The following DNAAF9 variants were observed in gnomAD, a reference collection of about 807,000 sequenced individuals.
The protein encoded by DNAAF9 is dynein axonemal assembly factor 9, also known as shulin.
Under a neutral mutation model 167.0 loss-of-function variants are expected in DNAAF9, and 90 were observed. The observed-to-expected ratio is 0.54, with a 90% CI of 0.45 to 0.64. The LOEUF (loss-of-function observed/expected upper bound fraction) is 0.64, where lower values mean the gene tolerates loss of function less well. DNAAF9 is among the 30% of genes least tolerant of loss of function. The pLI, the probability that DNAAF9 is intolerant of heterozygous loss-of-function variation, is 0.00. For synonymous variants in DNAAF9, 491 were observed against 508.8 expected (o/e 0.96, Z 0.47); for missense variants, 1,315 against 1,442.2 (o/e 0.91, Z 1.43).
At chr20:3,395,287 CTTTTTTT>C (rs771147934) in intron 1 of DNAAF9, among the ~76,000 whole-genome samples, 3 of 139,790 alleles carry the variant, frequency 2.1e-5, no homozygotes, top group East Asian at 2.1e-4. Flanking sequence ...TTTCTTTTTT[CTTTTTTT>C]TTTTCTGAGA....
intron 10 of DNAAF9, among the ~76,000 whole-genome samples, chr20:3,332,875 C>T (rs1469460962): frequency 6.8e-6 from 1 of 147,148 alleles, no homozygotes; most frequent in African/African-American, 2.5e-5. Flanking sequence ...TGCGTGCGTG[C>T]ATGCGTGTGT....
In DNAAF9 at chr20:3,294,277, C is replaced by T. The variant is rs1425507541; in HGVS notation, c.2121-21G>A. On this transcript the variant is annotated intron_variant, in intron 24 of 36. Coordinates refer to ENST00000252032, the MANE Select transcript of DNAAF9 (RefSeq NM_001009984.3). ...GAAACCTAAAAACACAAAGACAATG[C>T]TATTATGTTACCATCCTAGCCTGTC... 8 of 1,499,904 alleles carry T rather than the reference C, an allele frequency of 5.3e-6. No homozygotes were observed. The South Asian group carries it at 7.9e-5, about 15-fold the overall frequency. 92.9% of individuals were successfully genotyped at this position (1,499,904 alleles called of 1,614,324 possible).
intron 1 of DNAAF9, among the ~76,000 whole-genome samples, chr20:3,399,485 G>A (rs563632292): frequency 1.3e-5 from 2 of 152,146 alleles, no homozygotes; most frequent in Non-Finnish European, 2.9e-5. Context: ...TGGGATTACA[G>A]GCATGAGCCA....
chr20:3,339,920 T>C (rs768978471), intron 10 of DNAAF9, among the ~76,000 whole-genome samples: 8 of 152,172 alleles, frequency 5.3e-5, no homozygotes, highest in Non-Finnish European at 1.2e-4. Context: ...AAAAAACTAG[T>C]ACCTACTAAC....
intron 9 of DNAAF9, among the ~76,000 whole-genome samples, chr20:3,343,042 T>C (rs2070118601): frequency 8.4e-6 from 1 of 119,344 alleles, no homozygotes; most frequent in Non-Finnish European, 1.8e-5. Flanking sequence ...TTTCTATTGC[T>C]GTGCAGAAGC....
At chr20:3,332,740 A>C (rs1407438508) in intron 10 of DNAAF9, among the ~76,000 whole-genome samples, 1 of 152,128 alleles carries the variant, frequency 6.6e-6, no homozygotes, top group Non-Finnish European at 1.5e-5. Flanking sequence ...CTGAGATTAC[A>C]GGTGTGCACC....
chr20:3,304,373 T>C (rs556597431), intron 21 of DNAAF9, 67 bp downstream of exon 21: 15 of 787,438 alleles, frequency 1.9e-5, no homozygotes, highest in East Asian at 7.3e-5. Context: ...AGGAGTTATT[T>C]AGTTTTCCCC....
At chr20:3,261,001 C>T (rs2068375940) in intron 31 of DNAAF9, among the ~76,000 whole-genome samples, 1 of 152,134 alleles carries the variant, frequency 6.6e-6, no homozygotes, top group African/African-American at 2.4e-5. Flanking sequence ...ACAGGTTGTA[C>T]ATATAGATGT....
rs1457692420 is a variant in DNAAF9, at chr20:3,376,300, C to T, written c.286G>A (p.Val96Ile). ...TGFSEEVLDDVIILIKSDSVH... is the reference protein window; with the variant it reads ...TGFSEEVLDDIIILIKSDSVH... ...CTATCCGATTTAATCAATATAATTA[C>T]ATCTGTAAGAAAAACAAAATCAAAA... Residue 96 changes from valine (V) to isoleucine (I), a missense_variant and splice_region_variant, in exon 4 of 37, where the codon GTA (valine) becomes ATA (isoleucine). By Grantham distance (29) the Val-to-Ile change is conservative. Around this residue, in one of 2 missense-constraint regions of DNAAF9, gnomAD observed 981 missense variants for 1,012.5 expected, o/e 0.97. Transcript: ENST00000252032. The T allele has an allele frequency of 1.3e-6, 2 of 1,597,424 alleles. No individual in the cohort carries two copies. The highest frequency in any genetic ancestry group is 2.3e-5 in the South Asian group (2 of 87,362).
In DNAAF9 at chr20:3,250,041, A is replaced by C. The variant is rs916592413; in HGVS notation, c.*2531T>G. ...ACTTCAGCGACTTCAACATTATCCCACGCACTCTGGGTGATATAAACTGAA... is the reference window on the plus strand; with the variant it reads ...ACTTCAGCGACTTCAACATTATCCCCCGCACTCTGGGTGATATAAACTGAA... On this transcript the variant is annotated 3_prime_UTR_variant, in exon 37 of 37. Coordinates refer to ENST00000252032, the MANE Select transcript of DNAAF9 (RefSeq NM_001009984.3). 1.3e-5 allele frequency: 2 copies of C among 152,196 alleles called. No homozygotes were observed. Among genetic ancestry groups the C allele is most frequent in the African/African-American group, 4.8e-5 (2 of 41,442 alleles). The allele number at this position is 152,196 out of a possible 1,614,324, so 9.4% of individuals were successfully genotyped here.
chr20:3,402,873 G>A (rs2084006903), intron 1 of DNAAF9, among the ~76,000 whole-genome samples: 1 of 152,196 alleles, frequency 6.6e-6, no homozygotes, highest in Non-Finnish European at 1.5e-5. Flanking sequence ...CCGCATATAA[G>A]TGAGATCATG....
intron 9 of DNAAF9, among the ~76,000 whole-genome samples, chr20:3,341,128 C>T (rs1419657965): frequency 6.6e-6 from 1 of 151,932 alleles, no homozygotes; most frequent in African/African-American, 2.4e-5. Context: ...GGCTCTGTAC[C>T]CACCCCCTTC....
At chr20:3,253,498 C>T (rs1600645444) in intron 36 of DNAAF9, among the ~76,000 whole-genome samples, 1 of 152,134 alleles carries the variant, frequency 6.6e-6, no homozygotes, top group East Asian at 1.9e-4. Context: ...GTCACATTAG[C>T]AATCACTCAA....
chr20:3,272,252 A>T (rs1257202102), intron 29 of DNAAF9, among the ~76,000 whole-genome samples: 1 of 152,180 alleles, frequency 6.6e-6, no homozygotes, highest in East Asian at 1.9e-4. Flanking sequence ...TGAATCAGGA[A>T]CCAAAGGAAG....
intron 35 of DNAAF9, among the ~76,000 whole-genome samples, chr20:3,254,495 C>A (rs951704757): frequency 1.3e-5 from 2 of 152,154 alleles, no homozygotes; most frequent in Non-Finnish European, 2.9e-5. Flanking sequence ...TCCTTGTTCA[C>A]GGTTGGCTTT....
rs201827886 is a variant in DNAAF9 at position 3,315,804 on chromosome 20, C to T, written c.1540-19G>A. On this transcript the variant is annotated intron_variant, in intron 18 of 36. Coordinates refer to ENST00000252032, the MANE Select transcript of DNAAF9 (RefSeq NM_001009984.3). The surrounding 1 kb of genome is among the most constrained non-coding windows in gnomAD (Gnocchi z 4.1). The stretch of plus-strand genomic sequence containing the variant: ...CTTCCACCTGTGTCCAAAAGGAATG[C>T]AGATTTTCAGTCAACTACTTCAAGG... 6.2e-7 allele frequency: 1 copy of T among 1,604,536 alleles called. No individual in the cohort carries two copies. Among genetic ancestry groups the T allele is most frequent in the Non-Finnish European group, 8.5e-7 (1 of 1,171,318 alleles).
At chr20:3,322,970 A>C (rs2069643072) in intron 14 of DNAAF9, among the ~76,000 whole-genome samples, 1 of 151,990 alleles carries the variant, frequency 6.6e-6, no homozygotes, top group South Asian at 2.1e-4. Context: ...ATGACATGAG[A>C]GGACTGCTGC....
intron 16 of DNAAF9, among the ~76,000 whole-genome samples, chr20:3,320,937 A>G (rs2069604110): frequency 6.6e-6 from 1 of 152,148 alleles, no homozygotes; most frequent in African/African-American, 2.4e-5. Flanking sequence ...TCTTGGCTAG[A>G]TATGTACTAC....
At chr20:3,393,942 C>T (rs1028863979) in intron 1 of DNAAF9, among the ~76,000 whole-genome samples, 1 of 152,192 alleles carries the variant, frequency 6.6e-6, no homozygotes, top group African/African-American at 2.4e-5. Flanking sequence ...TATTGATTAT[C>T]TACATTTCTT....
Sources: allele counts gnomAD v4.1 joint callset (sites outside exome capture counted in the v4.1 genomes callset), GRCh38; gene constraint gnomAD v4.1.1; regional missense constraint gnomAD v4.1.1; non-coding constraint Gnocchi (gnomAD v3.1); transcripts MANE v1.5; gene names NCBI Gene and HGNC (gene_info 2026-07-23, HGNC 2026-07-21).